Variants in DLGAP2 observed in about 807,000 individuals in gnomAD.
The protein encoded by DLGAP2 is disks large-associated protein 2.
A neutral mutation model predicts 100.3 loss-of-function variants in DLGAP2; 26 were observed. That is an observed-to-expected ratio of 0.26 (90% CI 0.19 to 0.36). The LOEUF (loss-of-function observed/expected upper bound fraction) is 0.36. Ranked by LOEUF, DLGAP2 falls within the 10% of genes least tolerant of loss-of-function variation. DLGAP2 has a pLI of 1.00. For synonymous variants in DLGAP2, 886 were observed against 630.1 expected, an observed-to-expected ratio of 1.41 and a Z score of -6.08; for missense variants, 1,858 against 1,453.2, an observed-to-expected ratio of 1.28 and a Z score of -4.53.
chr8:943,919 T>C (rs577981340), intron 2 of DLGAP2, among the ~76,000 whole-genome samples: 1 of 152,368 alleles, frequency 6.6e-6, no homozygotes, highest in East Asian at 1.9e-4. Context: ...TAATCTCTCA[T>C]AGATAAGATT....
At chr8:1,367,717 A>T (rs1022530791) in intron 3 of DLGAP2, among the ~76,000 whole-genome samples, 56 of 152,220 alleles carry the variant, frequency 3.7e-4, no homozygotes, top group African/African-American at 1.2e-3. Context: ...TGCGTGTCTC[A>T]TTTAAAACGG....
chr8:935,126 C>T (rs905371031), intron 2 of DLGAP2, among the ~76,000 whole-genome samples: 5 of 152,248 alleles, frequency 3.3e-5, no homozygotes, highest in African/African-American at 1.2e-4. Flanking sequence ...TGCTGCCATT[C>T]CCGCAGGGGA....
At chr8:1,001,998 CAA>C (rs1377411254) in intron 2 of DLGAP2, 3 of 152,198 alleles carry the variant, frequency 2.0e-5, no homozygotes, top group Non-Finnish European at 4.4e-5. Flanking sequence ...TTTTCCTACA[CAA>C]TATACGATAC....
At chr8:1,097,148 G>A (rs1378600240) in intron 2 of DLGAP2, among the ~76,000 whole-genome samples, 2 of 134,182 alleles carry the variant, frequency 1.5e-5, no homozygotes, top group African/African-American at 3.0e-5. Context: ...GTGGCATGCA[G>A]AGGTCCCCTC....
At chr8:1,154,478 C>T (rs1160985862) in intron 2 of DLGAP2, among the ~76,000 whole-genome samples, 2 of 152,160 alleles carry the variant, frequency 1.3e-5, no homozygotes, top group African/African-American at 4.8e-5. Context: ...TAATGATTTC[C>T]CTTATTCAAA....
chr8:1,160,782 G>A (rs1413400847), intron 2 of DLGAP2, among the ~76,000 whole-genome samples: 1 of 152,194 alleles, frequency 6.6e-6, no homozygotes, highest in African/African-American at 2.4e-5. Context: ...CGAGGAAGGC[G>A]AGGAAGCCTG....
intron 2 of DLGAP2, among the ~76,000 whole-genome samples, chr8:1,043,931 T>C (rs1170583578): frequency 2.7e-5 from 4 of 147,860 alleles, no homozygotes; most frequent in South Asian, 2.2e-4. Flanking sequence ...AGATCTCAGC[T>C]GGGGTGCAGT....
intron 4 of DLGAP2, among the ~76,000 whole-genome samples, chr8:1,512,882 G>C (rs911210191): frequency 6.6e-6 from 1 of 152,250 alleles, no homozygotes; most frequent in African/African-American, 2.4e-5. Context: ...GTGAGGCCCC[G>C]GGTCATGGTC....
intron 2 of DLGAP2, among the ~76,000 whole-genome samples, chr8:1,150,626 C>T (rs918040409): frequency 6.6e-6 from 1 of 152,188 alleles, no homozygotes; most frequent in Non-Finnish European, 1.5e-5. Context: ...GGGTGGTGTC[C>T]ATGCCCTGTT....
At chr8:1,653,989 C>T (rs947355293) in intron 8 of DLGAP2, among the ~76,000 whole-genome samples, 4 of 152,132 alleles carry the variant, frequency 2.6e-5, no homozygotes, top group Admixed American at 6.5e-5. Flanking sequence ...ACATTAGTAA[C>T]TTCAGGTATG....
chr8:1,695,658 T>C (rs566437390), intron 13 of DLGAP2, among the ~76,000 whole-genome samples: 46 of 152,260 alleles, frequency 3.0e-4, no homozygotes, highest in Non-Finnish European at 6.0e-4. Context: ...GGCACAGCTG[T>C]GCCCAGCCCT....
chr8:1,457,763 C>G (rs1443528471), intron 3 of DLGAP2, among the ~76,000 whole-genome samples: 1 of 151,928 alleles, frequency 6.6e-6, no homozygotes, highest in Non-Finnish European at 1.5e-5. Flanking sequence ...CACGCCTCCC[C>G]CAGAAGGTTG....
intron 4 of DLGAP2, among the ~76,000 whole-genome samples, chr8:1,504,744 G>C (rs73672748): frequency 0.021 from 3,229 of 152,220 alleles, 107 homozygotes; most frequent in African/African-American, 0.072. Flanking sequence ...AGACTGAGTA[G>C]GTATTCCACA....
chr8:949,521 G>A (rs569112306), intron 2 of DLGAP2, among the ~76,000 whole-genome samples: 24 of 152,302 alleles, frequency 1.6e-4, no homozygotes, highest in African/African-American at 5.5e-4. Flanking sequence ...GAAAAGAAGA[G>A]GAAGGCACAG....
chr8:1,243,066 G>T (rs1253718907), intron 2 of DLGAP2, among the ~76,000 whole-genome samples: 1 of 152,138 alleles, frequency 6.6e-6, no homozygotes, highest in Admixed American at 6.5e-5. Context: ...TTGTTTTCAC[G>T]TCCCCATGTT....
intron 2 of DLGAP2, among the ~76,000 whole-genome samples, chr8:986,662 A>ATTTTT (rs3042253): frequency 6.9e-6 from 1 of 144,446 alleles, no homozygotes; most frequent in Non-Finnish European, 1.5e-5. Context: ...ACTGTATTTG[A>ATTTTT]TTTTTTTTTT....
intron 4 of DLGAP2, among the ~76,000 whole-genome samples, chr8:1,535,740 A>G (rs1456409834): frequency 6.6e-6 from 1 of 152,216 alleles, no homozygotes; most frequent in Non-Finnish European, 1.5e-5. Context: ...GTGAGCTCTG[A>G]GCAGAATTCT....
chr8:1,163,581 G>A (rs1796934039), intron 2 of DLGAP2, among the ~76,000 whole-genome samples: 1 of 152,250 alleles, frequency 6.6e-6, no homozygotes, highest in Non-Finnish European at 1.5e-5. Flanking sequence ...AGAGAGCTGC[G>A]TGAGCCAAGA....
At chr8:1,275,144 C>A (rs1799657145) in intron 3 of DLGAP2, among the ~76,000 whole-genome samples, 1 of 152,160 alleles carries the variant, frequency 6.6e-6, no homozygotes, top group Non-Finnish European at 1.5e-5. Context: ...CCCAGTGCCT[C>A]CCTGAGTTAC....
Sources: allele counts gnomAD v4.1 joint callset (sites outside exome capture counted in the v4.1 genomes callset), GRCh38; gene constraint gnomAD v4.1.1; transcripts MANE v1.5; gene names NCBI Gene and HGNC (gene_info 2026-07-23, HGNC 2026-07-21).